The following NAALADL2 variants were observed in gnomAD, a reference collection of about 807,000 sequenced individuals.
NAALADL2 encodes the protein N-acetylated alpha-linked acidic dipeptidase like 2.
NAALADL2 carries 76 observed loss-of-function variants against 87.2 expected under a neutral mutation model. The ratio of observed to expected loss-of-function variants is 0.87; its 90% CI spans 0.72 to 1.05. The LOEUF is 1.05. Ranked by LOEUF, NAALADL2 falls within the 50% of genes least tolerant of loss-of-function variation. The pLI, the probability that NAALADL2 is intolerant of heterozygous loss-of-function variation, is 0.00. For synonymous variants in NAALADL2, 354 were observed against 331.0 expected (o/e 1.07, Z -0.75); for missense variants, 1,089 against 945.8 (o/e 1.15, Z -1.99).
rs78661751 is a variant in NAALADL2 at position 175,452,847 on chromosome 3, G to C, written c.1234+5475G>C. ...GGGATCTTAAATGGAGTGAGCGTAG[G>C]GGGGAACCTATTGTCCAAAGTCCAC... On this transcript the variant is annotated intron_variant, in intron 6 of 13. Transcript: ENST00000454872. Among the ~76,000 whole-genome samples the C allele has an allele frequency of 9.2e-3, 1,406 of 152,234 alleles. 17 individuals are homozygous for C. Among genetic ancestry groups the C allele is most frequent in the Middle Eastern group, 0.024 (7 of 294 alleles).
At chr3:174,893,732 A>G (rs1731149786) in intron 1 of NAALADL2, among the ~76,000 whole-genome samples, 1 of 152,222 alleles carries the variant, frequency 6.6e-6, no homozygotes, top group African/African-American at 2.4e-5. Flanking sequence ...CACAAAAAAT[A>G]CAAAGCAGGA....
At position 175,667,245 on chromosome 3, in the gene NAALADL2, GAAAGAAAGAAAGA is replaced by G. The variant is rs1560943759; in HGVS notation, c.1896+39862_1896+39874del. Reference sequence around the variant, plus strand: ...AAAGAAAGAAAGAAAGAAAGAAAAAGAAAGAAAGAAAGAAAGAAAGGAAGGAAGGGATGGGGAT... The same window carrying G: ...AAAGAAAGAAAGAAAGAAAGAAAAAGAAGAAAGGAAGGAAGGGATGGGGAT... On this transcript the variant is annotated intron_variant, in intron 11 of 13. Transcript: ENST00000454872. 9.1e-4 allele frequency among the ~76,000 whole-genome samples: 111 copies of G among 122,482 alleles called. 4 individuals carry two copies. The highest frequency in any genetic ancestry group is 3.8e-3 in the South Asian group (15 of 3,952). 80.4% of individuals were successfully genotyped at this position (122,482 alleles called of 152,430 possible). A position where few individuals can be genotyped will look rare whatever the true frequency, so the allele number is the denominator to read the frequency against.
At chr3:174,805,227 C>A (rs1310291417) in intron 3 of NAALADL2, among the ~76,000 whole-genome samples, 4 of 152,010 alleles carry the variant, frequency 2.6e-5, no homozygotes, top group African/African-American at 9.7e-5. Flanking sequence ...ATTAACAAAC[C>A]TGGGATTGGC....
intron 9 of NAALADL2, among the ~76,000 whole-genome samples, chr3:175,538,909 T>C (rs1035702239): frequency 6.6e-5 from 10 of 152,184 alleles, no homozygotes; most frequent in African/African-American, 2.4e-4. Context: ...TTACTAGAAT[T>C]ATATAGAATC....
In NAALADL2 at chr3:175,447,262, C is replaced by T; in HGVS notation, c.1124C>T (p.Thr375Ile). 6.2e-7 allele frequency: 1 copy of T among 1,602,312 alleles called. No homozygotes were observed. The highest frequency in any genetic ancestry group is 8.5e-7 in the Non-Finnish European group (1 of 1,175,134). Residue 375 changes from threonine to isoleucine, a missense_variant, in exon 6 of 14, where the codon ACC becomes ATC. Physicochemically the swap from Thr to Ile is moderately conservative, Grantham distance 89 (BLOSUM62 -1). Coordinates refer to ENST00000454872, the MANE Select transcript of NAALADL2 (RefSeq NM_207015.3). Reference sequence around the variant, plus strand: ...TTTAGACAAAGCCGATCAAACCTCACCTCTCTATTAGTGCAGCCCATCTCT... The same window carrying T: ...TTTAGACAAAGCCGATCAAACCTCATCTCTCTATTAGTGCAGCCCATCTCT... The part of the protein sequence containing the change: ...ESFRQSRSNL[T>I]SLLVQPISAP...
chr3:174,709,025 T>C (rs1730374906), intron 2 of NAALADL2, among the ~76,000 whole-genome samples: 2 of 152,110 alleles, frequency 1.3e-5, no homozygotes, highest in African/African-American at 4.8e-5. Flanking sequence ...TATTTTATAT[T>C]CCCCAAACAA....
At chr3:175,606,237 A>T (rs1723715054) in intron 10 of NAALADL2, among the ~76,000 whole-genome samples, 1 of 152,202 alleles carries the variant, frequency 6.6e-6, no homozygotes, top group African/African-American at 2.4e-5. Flanking sequence ...ACCTTGGTTA[A>T]AAACAGGTGC....
chr3:175,728,041 G>C (rs896366879), intron 11 of NAALADL2, among the ~76,000 whole-genome samples: 1 of 152,014 alleles, frequency 6.6e-6, no homozygotes. Context: ...ATAAGTTCTC[G>C]CTTTACTAAG....
intron 2 of NAALADL2, among the ~76,000 whole-genome samples, chr3:174,702,077 G>A (rs1729604266): frequency 3.3e-5 from 5 of 152,048 alleles, no homozygotes; most frequent in Non-Finnish European, 1.5e-5. Flanking sequence ...TAACCCCAAC[G>A]ACACTTGGTA....
At chr3:175,007,930 C>G (rs894780609) in intron 1 of NAALADL2, among the ~76,000 whole-genome samples, 8 of 152,100 alleles carry the variant, frequency 5.3e-5, no homozygotes, top group African/African-American at 1.7e-4. Flanking sequence ...CACCATCGAT[C>G]TGATAACTGA....
chr3:174,694,266 T>G (rs1191401866), intron 2 of NAALADL2, among the ~76,000 whole-genome samples: 1 of 152,102 alleles, frequency 6.6e-6, no homozygotes, highest in Non-Finnish European at 1.5e-5. Context: ...ATAAGCTATC[T>G]GTTCTTAGTT....
chr3:175,433,290 T>G (rs1321544239), intron 5 of NAALADL2, among the ~76,000 whole-genome samples: 4 of 152,028 alleles, frequency 2.6e-5, no homozygotes, highest in African/African-American at 9.7e-5. Flanking sequence ...CACAAAACAT[T>G]CTTTAAATGT....
intron 2 of NAALADL2, among the ~76,000 whole-genome samples, chr3:174,601,789 T>G (rs542124041): frequency 1.1e-4 from 16 of 152,294 alleles, no homozygotes; most frequent in Non-Finnish European, 1.8e-4. Context: ...GTCTTAGATT[T>G]AAGTCTTTAA....
intron 5 of NAALADL2, among the ~76,000 whole-genome samples, chr3:175,363,139 C>T (rs1338751002): frequency 6.8e-6 from 1 of 147,426 alleles, no homozygotes. Flanking sequence ...TTTCAGCTTT[C>T]TATTTAGTTG....
At chr3:175,143,551 C>CAAAAAAAAAAAAAAAAAAAAAAAAAA (rs200363916) in intron 2 of NAALADL2, among the ~76,000 whole-genome samples, 2 of 113,408 alleles carry the variant, frequency 1.8e-5, no homozygotes, top group African/African-American at 3.6e-5. Flanking sequence ...CAATGTTAGC[C>CAAAAAAAAAAAAAAAAAAAAAAAAAA]AAAAAAAAAA....
chr3:174,984,958 T>C (rs909297489), intron 1 of NAALADL2, among the ~76,000 whole-genome samples: 3 of 152,212 alleles, frequency 2.0e-5, no homozygotes, highest in African/African-American at 7.2e-5. Flanking sequence ...GTGATTTAAC[T>C]TAGCATTTTG....
chr3:174,690,963 A>G (rs1728520567), intron 2 of NAALADL2, among the ~76,000 whole-genome samples: 1 of 152,158 alleles, frequency 6.6e-6, no homozygotes, highest in Admixed American at 6.6e-5. Context: ...ATCAAGACGA[A>G]TAATTAAAAT....
chr3:175,279,713 G>A (rs1182108742), intron 4 of NAALADL2, among the ~76,000 whole-genome samples: 1 of 151,740 alleles, frequency 6.6e-6, no homozygotes, highest in Non-Finnish European at 1.5e-5. Flanking sequence ...ATGTCAGGAA[G>A]GCCAGCATGA....
At chr3:175,644,410 T>A (rs1560905147) in intron 11 of NAALADL2, among the ~76,000 whole-genome samples, 1 of 152,238 alleles carries the variant, frequency 6.6e-6, no homozygotes, top group East Asian at 1.9e-4. Flanking sequence ...ACTTATTTAA[T>A]CTACCATGAT....
Sources: allele counts gnomAD v4.1 joint callset (sites outside exome capture counted in the v4.1 genomes callset), GRCh38; gene constraint gnomAD v4.1.1; transcripts MANE v1.5; gene names NCBI Gene and HGNC (gene_info 2026-07-23, HGNC 2026-07-21).